The following IGSF10 variants were observed in gnomAD, a reference collection of about 807,000 sequenced individuals.
IGSF10 encodes immunoglobulin superfamily member 10.
In IGSF10, 126 loss-of-function variants were observed where a neutral mutation model predicts 128.2. The observed-to-expected ratio is 0.98, with a 90% CI of 0.85 to 1.14. The LOEUF is 1.14. Among genes scored for constraint, IGSF10 ranks in the 50% most tolerant of loss-of-function variants. The probability of loss-of-function intolerance (pLI) is 0.00; values close to 1 mark genes in which losing one functional copy is unlikely to be tolerated. For missense variants in IGSF10, 3,295 were observed against 3,149.8 expected (o/e 1.05, Z -1.10); for synonymous variants, 1,185 against 1,146.2 (o/e 1.03, Z -0.68).
At chr3:151,475,146 C>G in the IGSF10 span, among the ~76,000 whole-genome samples, 9 of 152,186 alleles carry the variant, frequency 5.9e-5, no homozygotes, top group African/African-American at 2.2e-4. Context: ...AGTTAATAGT[C>G]TCACTCCAAA....
At chr3:151,481,378 G>A in the IGSF10 span, among the ~76,000 whole-genome samples, 1 of 152,108 alleles carries the variant, frequency 6.6e-6, no homozygotes, top group Non-Finnish European at 1.5e-5. Context: ...TCCATTCTTG[G>A]GTCCATGTTG....
the IGSF10 span, among the ~76,000 whole-genome samples, chr3:151,483,373 G>A: frequency 2.6e-5 from 4 of 152,052 alleles, no homozygotes; most frequent in Non-Finnish European, 5.9e-5. Flanking sequence ...CAGATTGTAA[G>A]TATAAAATAT....
chr3:151,511,242 C>T, the IGSF10 span, among the ~76,000 whole-genome samples: 1 of 152,152 alleles, frequency 6.6e-6, no homozygotes, highest in Admixed American at 6.5e-5. Flanking sequence ...CAAAGGGAAG[C>T]CCATCAGATC....
Position 151,437,934 on chromosome 3 carries a change from T to C in IGSF10, c.6627A>G (p.Gly2209=), listed in dbSNP as rs376999985. 1.7e-5 allele frequency: 28 copies of C among 1,614,116 alleles called. No individual in the cohort carries two copies. Among genetic ancestry groups the C allele is most frequent in the Non-Finnish European group, 2.3e-5 (27 of 1,180,050 alleles). The change falls in exon 8 of 8, where the codon GGA becomes GGG. Residue 2209 remains glycine (G), a synonymous_variant. Coordinates refer to ENST00000282466, the MANE Select transcript of IGSF10 (RefSeq NM_178822.5). ...TINKVKLLDS[G]EYVCVARNPS... is the part of the protein sequence containing the mutation. Reference sequence around the variant, plus strand: ...GATTTCGGGCTACACATACGTACTCTCCAGAATCGAGCAGTTTCACTTTGT... The same window carrying C: ...GATTTCGGGCTACACATACGTACTCCCCAGAATCGAGCAGTTTCACTTTGT...
chr3:151,480,110 G>A, the IGSF10 span, among the ~76,000 whole-genome samples: 4 of 152,142 alleles, frequency 2.6e-5, no homozygotes, highest in South Asian at 2.1e-4. Flanking sequence ...TCAGCAAGAT[G>A]GCCGACTAGA....
chr3:151,519,137 A>C, the IGSF10 span, among the ~76,000 whole-genome samples: 4 of 151,932 alleles, frequency 2.6e-5, no homozygotes, highest in Admixed American at 6.6e-5. Flanking sequence ...ATATTGTAAA[A>C]CAACCAACCA....
chr3:151,442,568 T>C (rs1720922918), intron 7 of IGSF10, among the ~76,000 whole-genome samples: 2 of 147,536 alleles, frequency 1.4e-5, no homozygotes, highest in Admixed American at 1.3e-4. Context: ...TTTGTACTTT[T>C]AGTAGAGATA....
At chr3:151,464,587 T>A (rs1478029613), upstream of IGSF10, among the ~76,000 whole-genome samples, 3 of 152,220 alleles carry the variant, frequency 2.0e-5, no homozygotes, top group African/African-American at 2.4e-5. Flanking sequence ...CTATGAATTT[T>A]AAAACTGACT....
chr3:151,453,870 T>C, intron 4 of IGSF10, 96 bp from the exon 5 acceptor site: 1 of 728,238 alleles, frequency 1.4e-6, no homozygotes, highest in Non-Finnish European at 2.3e-6. Context: ...TGAAATTAAT[T>C]CAGTGCAATT....
At chr3:151,521,908 C>T in the IGSF10 span, among the ~76,000 whole-genome samples, 43 of 151,796 alleles carry the variant, frequency 2.8e-4, no homozygotes, top group East Asian at 5.8e-3. Context: ...AAATGATCAA[C>T]GAACCCAAGA....
At chr3:151,464,796 C>A (rs1035724536), upstream of IGSF10, among the ~76,000 whole-genome samples, 1 of 152,062 alleles carries the variant, frequency 6.6e-6, no homozygotes, top group South Asian at 2.1e-4. Flanking sequence ...CAGACTAGCA[C>A]GGTAAGTGAT....
At chr3:151,572,158 C>T in the IGSF10 span, among the ~76,000 whole-genome samples, 1 of 152,180 alleles carries the variant, frequency 6.6e-6, no homozygotes, top group African/African-American at 2.4e-5. Context: ...TGATGATCAT[C>T]AGGGATATTG....
Position 151,453,552 on chromosome 3 carries a change from T to G in IGSF10, c.547A>C (p.Lys183Gln). Residue 183 changes from lysine (K) to glutamine (Q), a missense_variant, in exon 5 of 8, where the codon AAA (lysine) becomes CAA (glutamine). Lys to Gln is a moderately conservative substitution (Grantham distance 53, BLOSUM62 1). Coordinates refer to ENST00000282466, the MANE Select transcript of IGSF10 (RefSeq NM_178822.5). ...FVSLSYLQIFKISFIKFLYLS... is the reference protein window; with the variant it reads ...FVSLSYLQIFQISFIKFLYLS... The stretch of plus-strand genomic sequence containing the variant: ...TATAGGAACTTAATGAAAGAGATTT[T>G]AAATATCTGGAGGTAGCTCAAAGAG... 6.2e-7 allele frequency: 1 copy of G among 1,614,024 alleles called. No homozygotes were observed. The highest frequency in any genetic ancestry group is 8.5e-7 in the Non-Finnish European group (1 of 1,179,924).
chr3:151,596,381 G>A, the IGSF10 span, among the ~76,000 whole-genome samples: 1 of 151,926 alleles, frequency 6.6e-6, no homozygotes, highest in African/African-American at 2.4e-5. Flanking sequence ...GCTTGACAAA[G>A]GATAAACAAA....
the IGSF10 span, among the ~76,000 whole-genome samples, chr3:151,500,919 C>A: frequency 6.6e-6 from 1 of 151,986 alleles, no homozygotes; most frequent in Non-Finnish European, 1.5e-5. Flanking sequence ...CATGGCCATG[C>A]CTGACTTCCA....
chr3:151,455,147 G>T (rs1721722749), intron 4 of IGSF10, among the ~76,000 whole-genome samples: 1 of 148,926 alleles, frequency 6.7e-6, no homozygotes, highest in African/African-American at 2.5e-5. Flanking sequence ...TTTCACTCTT[G>T]TTGCCCAGGC....
At chr3:151,564,063 G>C in the IGSF10 span, among the ~76,000 whole-genome samples, 2 of 152,234 alleles carry the variant, frequency 1.3e-5, no homozygotes, top group South Asian at 4.1e-4. Flanking sequence ...CTCGCTTCCT[G>C]TTATGAGTGT....
intron 7 of IGSF10, among the ~76,000 whole-genome samples, chr3:151,441,632 A>T (rs555445786): frequency 1.3e-5 from 2 of 152,326 alleles, no homozygotes; most frequent in Middle Eastern, 6.8e-3. Flanking sequence ...GATATATAAG[A>T]TGGAAATTCT....
At chr3:151,618,757 T>A in the IGSF10 span, among the ~76,000 whole-genome samples, 4,105 of 146,456 alleles carry the variant, frequency 0.028, 136 homozygotes, top group African/African-American at 0.08. Flanking sequence ...AAAAAATAAA[T>A]AAATAAAAAA....
Sources: gnomAD v4.1 joint callset for allele counts (sites outside exome capture counted in the v4.1 genomes callset) on GRCh38, gnomAD v4.1.1 for gene constraint, MANE v1.5 for transcripts, NCBI Gene and HGNC (gene_info 2026-07-23, HGNC 2026-07-21) for gene names.